The following GNG5B variants were observed in gnomAD, a reference collection of about 807,000 sequenced individuals.
GNG5B encodes guanine nucleotide-binding protein G(I)/G(S)/G(O) subunit gamma-5B.
the GNG5B span, among the ~76,000 whole-genome samples, chrX:110,346,464 A>G: frequency 8.9e-6 from 1 of 112,444 alleles, no homozygotes; most frequent in African/African-American, 3.2e-5. Flanking sequence ...ATTTTTTAAA[A>G]CTTGCACACT....
chrX:110,346,606 C>T, the GNG5B span: 7 of 503,198 alleles, frequency 1.4e-5, no homozygotes, highest in African/African-American at 1.6e-4. Context: ...ACATGTGTTA[C>T]AGGGATAAGC....
the GNG5B span, chrX:110,346,614 AG>A: frequency 1.9e-6 from 1 of 517,755 alleles, no homozygotes; most frequent in Non-Finnish European, 3.6e-6. Flanking sequence ...TACAGGGATA[AG>A]CTTTTGTACA....
At chrX:110,346,889 G>A in the GNG5B span, 1 of 615,421 alleles carries the variant, frequency 1.6e-6, no homozygotes, top group Non-Finnish European at 2.8e-6. Context: ...TCGTAGCGGC[G>A]ACGCTGGAGA....
the GNG5B span, chrX:110,346,574 G>A: frequency 1.3e-5 from 6 of 448,961 alleles, no homozygotes; most frequent in Non-Finnish European, 2.4e-5. Context: ...ACAGACAAAA[G>A]TAGAATTTTG....
chrX:110,346,829 T>G, the GNG5B span: 1 of 682,662 alleles, frequency 1.5e-6, no homozygotes, highest in Non-Finnish European at 2.4e-6. Context: ...CCTGGGAAAC[T>G]TTTACGCTGT....
chrX:110,346,726 G>A, the GNG5B span: 1 of 817,723 alleles, frequency 1.2e-6, no homozygotes, highest in Non-Finnish European at 1.9e-6. Context: ...CAGACTTTCT[G>A]GGGTCTGAAG....
the GNG5B span, among the ~76,000 whole-genome samples, chrX:110,346,513 A>G: frequency 3.6e-5 from 4 of 112,465 alleles, no homozygotes; most frequent in African/African-American, 3.2e-5. Flanking sequence ...ATATAAAACA[A>G]TTACCCTTGT....
chrX:110,346,769 A>T, the GNG5B span: 2 of 786,742 alleles, frequency 2.5e-6, no homozygotes, highest in Non-Finnish European at 3.9e-6. Context: ...CAGTCAGCAG[A>T]GGGTCATGTT....
At chrX:110,346,802 T>C in the GNG5B span, 109 of 733,297 alleles carry the variant, frequency 1.5e-4, no homozygotes, top group Non-Finnish European at 2.2e-4. Flanking sequence ...GACAGAATTG[T>C]TTCAAGTCTG....
At chrX:110,346,936 G>T in the GNG5B span, 2 of 533,236 alleles carry the variant, frequency 3.8e-6, no homozygotes, top group Middle Eastern at 3.1e-4. Flanking sequence ...GGGCCGATTC[G>T]TGGGTCGGTG....
chrX:110,346,878 T>C, the GNG5B span: 1 of 630,772 alleles, frequency 1.6e-6, no homozygotes, highest in Non-Finnish European at 2.7e-6. Context: ...AACCACTTTC[T>C]TCGTAGCGGC....
the GNG5B span, chrX:110,346,950 C>T: frequency 1.9e-6 from 1 of 521,348 alleles, no homozygotes; most frequent in Non-Finnish European, 3.5e-6. Context: ...GTCGGTGGGT[C>T]GTGGGCCGTG....
At chrX:110,346,898 G>T in the GNG5B span, 1 of 607,831 alleles carries the variant, frequency 1.6e-6, no homozygotes, top group Non-Finnish European at 2.9e-6. Context: ...CGACGCTGGA[G>T]AAGCCAGACA....
the GNG5B span, chrX:110,346,673 G>A: frequency 3.3e-6 from 2 of 614,597 alleles, no homozygotes; most frequent in African/African-American, 4.4e-5. Context: ...ATAAGAAGTG[G>A]TTTGGGAAAC....
chrX:110,346,760 A>T, the GNG5B span: 10 of 796,965 alleles, frequency 1.3e-5, no homozygotes, highest in Middle Eastern at 2.8e-4. Flanking sequence ...AAGATACTCC[A>T]GTCAGCAGAG....
chrX:110,346,665 A>T, the GNG5B span: 2 of 589,639 alleles, frequency 3.4e-6, no homozygotes, highest in Non-Finnish European at 6.1e-6. Flanking sequence ...ACTGGATCAT[A>T]AGAAGTGGTT....
chrX:110,346,950 C>A, the GNG5B span: 2 of 521,347 alleles, frequency 3.8e-6, no homozygotes, highest in South Asian at 2.5e-5. Flanking sequence ...GTCGGTGGGT[C>A]GTGGGCCGTG....
At chrX:110,346,931 G>A in the GNG5B span, 3 of 543,255 alleles carry the variant, frequency 5.5e-6, no homozygotes, top group South Asian at 4.8e-5. Context: ...GGGCCGGGCC[G>A]ATTCGTGGGT....
At chrX:110,346,677 G>C in the GNG5B span, 6 of 625,619 alleles carry the variant, frequency 9.6e-6, no homozygotes, top group Non-Finnish European at 1.7e-5. Flanking sequence ...GAAGTGGTTT[G>C]GGAAACCTTT....
Sources: gnomAD v4.1 joint callset for allele counts (sites outside exome capture counted in the v4.1 genomes callset) on GRCh38, gnomAD v4.1.1 for gene constraint, MANE v1.5 for transcripts, NCBI Gene and HGNC (gene_info 2026-07-23, HGNC 2026-07-21) for gene names.